The following PDE4D variants were observed in gnomAD, a reference collection of about 807,000 sequenced individuals.
PDE4D encodes the protein 3',5'-cyclic-AMP phosphodiesterase 4D.
PDE4D carries 24 observed loss-of-function variants against 87.4 expected under a neutral mutation model. The observed-to-expected ratio is 0.27, with a 90% CI of 0.20 to 0.39. The LOEUF (loss-of-function observed/expected upper bound fraction) is 0.39, where lower values mean the gene tolerates loss of function less well. Among genes scored for constraint, PDE4D ranks in the 10% least tolerant of loss-of-function variants. The pLI is 1.00. For synonymous variants in PDE4D, 384 were observed against 383.2 expected (o/e 1.00, Z -0.02); for missense variants, 714 against 1,041.0 (o/e 0.69, Z 4.32).
At chr5:60,355,722 ATAAAG>A (rs1274733438) in intron 1 of PDE4D, among the ~76,000 whole-genome samples, 1 of 151,988 alleles carries the variant, frequency 6.6e-6, no homozygotes, top group Non-Finnish European at 1.5e-5. Flanking sequence ...TATTCTTACA[ATAAAG>A]TAAGCTAGAG....
chr5:59,849,601 A>G (rs1240217896), intron 1 of PDE4D, among the ~76,000 whole-genome samples: 1 of 151,746 alleles, frequency 6.6e-6, no homozygotes, highest in Non-Finnish European at 1.5e-5. Flanking sequence ...ATTTTCCTAA[A>G]GGTCAAATTT....
chr5:60,464,688 C>A (rs1747208540), intron 1 of PDE4D, among the ~76,000 whole-genome samples: 1 of 152,102 alleles, frequency 6.6e-6, no homozygotes, highest in African/African-American at 2.4e-5. Flanking sequence ...CTCAACATAG[C>A]GTGATAGTGG....
intron 5 of PDE4D, among the ~76,000 whole-genome samples, chr5:59,127,533 T>C (rs1298160616): frequency 2.0e-5 from 3 of 151,704 alleles, no homozygotes; most frequent in Non-Finnish European, 4.4e-5. Context: ...CTTTTTAAAA[T>C]ACAGGAAACG....
intron 6 of PDE4D, among the ~76,000 whole-genome samples, chr5:59,014,434 A>T (rs1561305832): frequency 6.6e-6 from 1 of 152,134 alleles, no homozygotes; most frequent in African/African-American, 2.4e-5. Flanking sequence ...AAGCTGATAA[A>T]CAACTTCAGC....
chr5:59,529,849 C>A (rs1057310665), intron 1 of PDE4D, among the ~76,000 whole-genome samples: 4 of 152,090 alleles, frequency 2.6e-5, no homozygotes, highest in Non-Finnish European at 5.9e-5. Context: ...GATAGATATG[C>A]TAGTGCACTG....
At chr5:60,451,966 G>A (rs747255557) in intron 1 of PDE4D, among the ~76,000 whole-genome samples, 6 of 151,962 alleles carry the variant, frequency 3.9e-5, no homozygotes, top group Non-Finnish European at 7.4e-5. Flanking sequence ...CTTCTACCTG[G>A]ACTCTCAAAA....
chr5:59,632,443 G>T (rs760255439), intron 1 of PDE4D, among the ~76,000 whole-genome samples: 2 of 152,194 alleles, frequency 1.3e-5, no homozygotes, highest in Non-Finnish European at 2.9e-5. Context: ...TGTGCCTCCC[G>T]ATAGGGAGAT....
intron 1 of PDE4D, among the ~76,000 whole-genome samples, chr5:59,837,404 C>G (rs574976080): frequency 6.6e-6 from 1 of 152,146 alleles, no homozygotes; most frequent in Non-Finnish European, 1.5e-5. Context: ...TAACTGGACT[C>G]TCCTTGCAAG....
At chr5:59,230,578 G>A (rs751763004) in intron 1 of PDE4D, among the ~76,000 whole-genome samples, 1 of 152,116 alleles carries the variant, frequency 6.6e-6, no homozygotes, top group Non-Finnish European at 1.5e-5. Context: ...ATAAGTCTAG[G>A]TAAGATTATA....
chr5:59,302,429 A>G (rs1004885036), intron 1 of PDE4D, among the ~76,000 whole-genome samples: 1 of 152,152 alleles, frequency 6.6e-6, no homozygotes, highest in Non-Finnish European at 1.5e-5. Flanking sequence ...ATTTAGTTAT[A>G]TAAGTAAGTT....
At chr5:59,432,550 T>C (rs1264439013) in intron 1 of PDE4D, among the ~76,000 whole-genome samples, 1 of 152,280 alleles carries the variant, frequency 6.6e-6, no homozygotes. Flanking sequence ...CCCACAGTCA[T>C]GTTGGAAGAT....
At chr5:59,198,153 A>G (rs1288190075) in intron 2 of PDE4D, among the ~76,000 whole-genome samples, 1 of 152,226 alleles carries the variant, frequency 6.6e-6, no homozygotes, top group Admixed American at 6.5e-5. Flanking sequence ...AAAAACAATT[A>G]TAACAACAAC....
At chr5:59,311,505 A>AC (rs1412745566) in intron 1 of PDE4D, among the ~76,000 whole-genome samples, 1 of 148,584 alleles carries the variant, frequency 6.7e-6, no homozygotes, top group Non-Finnish European at 1.5e-5. Flanking sequence ...GTCTCAAAAA[A>AC]AAAAAAAAAA....
intron 1 of PDE4D, among the ~76,000 whole-genome samples, chr5:59,729,735 G>A (rs764717968): frequency 7.2e-4 from 109 of 151,930 alleles, no homozygotes; most frequent in Non-Finnish European, 1.3e-3. Context: ...TATTCAGAGG[G>A]ATGTATATAC....
intron 6 of PDE4D, among the ~76,000 whole-genome samples, chr5:59,037,057 T>C (rs1200282886): frequency 6.6e-6 from 1 of 152,224 alleles, no homozygotes; most frequent in Non-Finnish European, 1.5e-5. Context: ...AAAGGAATCA[T>C]TTTAGGCAAT....
At chr5:60,435,330 T>C (rs556539750) in intron 1 of PDE4D, among the ~76,000 whole-genome samples, 10 of 152,260 alleles carry the variant, frequency 6.6e-5, no homozygotes, top group African/African-American at 2.4e-4. Flanking sequence ...TCCCTTTTTC[T>C]AAAGTACCTG....
intron 1 of PDE4D, among the ~76,000 whole-genome samples, chr5:59,235,064 C>T (rs1756093760): frequency 6.6e-6 from 1 of 152,134 alleles, no homozygotes; most frequent in Non-Finnish European, 1.5e-5. Context: ...CAAACCACAT[C>T]TATGCTTATT....
At chr5:60,045,043 T>G (rs909589240) in intron 2 of PDE4D, among the ~76,000 whole-genome samples, 52 of 152,302 alleles carry the variant, frequency 3.4e-4, no homozygotes, top group Middle Eastern at 3.4e-3. Flanking sequence ...CCTGACTTTT[T>G]AATGATCACC....
intron 1 of PDE4D, among the ~76,000 whole-genome samples, chr5:59,568,150 G>A (rs1045385294): frequency 2.0e-5 from 3 of 152,100 alleles, no homozygotes; most frequent in Admixed American, 1.3e-4. Flanking sequence ...AAGGATGAAA[G>A]TGCATCAAAA....
Sources: gnomAD v4.1 joint callset for allele counts (sites outside exome capture counted in the v4.1 genomes callset) on GRCh38, gnomAD v4.1.1 for gene constraint, MANE v1.5 for transcripts, NCBI Gene and HGNC (gene_info 2026-07-23, HGNC 2026-07-21) for gene names.